OR8B12: variants seen among roughly 807,000 people sequenced by gnomAD.
OR8B12 encodes olfactory receptor 8B12.
For synonymous variants in OR8B12, 152 were observed against 148.8 expected, an observed-to-expected ratio of 1.02 and a Z score of -0.16; for missense variants, 383 against 376.4, an observed-to-expected ratio of 1.02 and a Z score of -0.14.
Position 124,543,246 on chromosome 11 carries a change from A to G in OR8B12, c.409T>C (p.Cys137Arg), listed in dbSNP as rs1259370180. ...NPLLYTVTMSCQVCLLLLLGA... is the reference protein window; with the variant it reads ...NPLLYTVTMSRQVCLLLLLGA... ...AACAAAAGGAGCAAACACACCTGGC[A>G]AGACATGGTGACTGTGTACAACAGT... The change falls in exon 1 of 1, where the codon TGC becomes CGC. Residue 137 changes from cysteine (C) to arginine (R), a missense_variant. By Grantham distance (180) the Cys-to-Arg change is radical. Transcript: ENST00000306842. 6.2e-7 allele frequency: 1 copy of G among 1,614,110 alleles called. No homozygotes were observed.
chr11:124,543,162 G>T lies in OR8B12; in HGVS notation c.493C>A (p.Leu165Met), dbSNP rs745679211. Reference protein sequence around the residue: ...AMAHTGSIMNLTFCADNLVNH... With the variant: ...AMAHTGSIMNMTFCADNLVNH... ...ACAAGGTTGTCAGCACAGAAGGTCA[G>T]GTTCATTATGCTTCCTGTGTGGGCC... is the stretch of plus-strand genomic sequence containing the variant. Residue 165 changes from leucine (L) to methionine (M), a missense_variant, in exon 1 of 1, where the codon CTG becomes ATG. Coordinates refer to ENST00000306842, the MANE Select transcript of OR8B12 (RefSeq NM_001005195.1). 5 of 1,614,086 alleles carry T rather than the reference G, an allele frequency of 3.1e-6. No homozygotes were observed. The East Asian group carries it at 6.7e-5, about 22-fold the overall frequency.
chr11:124,543,597 G>T lies in OR8B12; in HGVS notation c.58C>A (p.Pro20Thr). 14 of 1,614,002 alleles carry T rather than the reference G, an allele frequency of 8.7e-6. No individual in the cohort carries two copies. The highest frequency in any genetic ancestry group is 1.2e-5 in the Non-Finnish European group (14 of 1,179,944). Residue 20 changes from proline (P) to threonine (T), a missense_variant, in exon 1 of 1, where the codon CCG becomes ACG. Coordinates refer to ENST00000306842, the MANE Select transcript of OR8B12 (RefSeq NM_001005195.1). ...AAGAAGAGGGGGATCCGCAGTCCCGGCTGGTGGGTTAAGCCTTCGAGGATA... is the reference window on the plus strand; with the variant it reads ...AAGAAGAGGGGGATCCGCAGTCCCGTCTGGTGGGTTAAGCCTTCGAGGATA... ...EFILEGLTHQ[P>T]GLRIPLFFLF...
At position 124,543,410 on chromosome 11, in the gene OR8B12, A is replaced by T; in HGVS notation, c.245T>A (p.Met82Lys). Residue 82 changes from methionine (M) to lysine (K), a missense_variant, in exon 1 of 1, where the codon ATG becomes AAG. Met to Lys is a moderately conservative substitution (Grantham distance 95). Transcript: ENST00000306842. ...FSTTITPKMLMSFVSRKNIIS... is the reference protein window; with the variant it reads ...FSTTITPKMLKSFVSRKNIIS... ...GATGTTCTTCCTTGAGACAAAACTC[A>T]TCAGCATTTTGGGAGTGATGGTAGT... 6.2e-7 allele frequency: 1 copy of T among 1,614,084 alleles called. No homozygotes were observed. Among genetic ancestry groups the T allele is most frequent in the Middle Eastern group, 1.7e-4 (1 of 6,056 alleles).
Position 124,543,152 on chromosome 11 carries a change from CAGA to C in OR8B12, c.500_502del (p.Phe167del), listed in dbSNP as rs201026337. On this transcript the variant is annotated inframe_deletion, in exon 1 of 1. Coordinates refer to ENST00000306842, the MANE Select transcript of OR8B12 (RefSeq NM_001005195.1). ...GAAATGATTGACAAGGTTGTCAGCA[CAGA>C]AGGTCAGGTTCATTATGCTTCCTGT... The C allele has an allele frequency of 2.5e-3, 4,074 of 1,614,076 alleles. 77 individuals are homozygous for C. The African/African-American group carries it at 0.043, about 17-fold the overall frequency.
At position 124,542,961 on chromosome 11, in the gene OR8B12, C is replaced by CT; in HGVS notation, c.693dup (p.Gly232ArgfsTer7). On this transcript the variant is annotated frameshift_variant, in exon 1 of 1. Coordinates refer to ENST00000306842, the MANE Select transcript of OR8B12 (RefSeq NM_001005195.1). LOFTEE classifies it low-confidence loss of function (END_TRUNC). ...CAAGTACTAAAGGCTTTGGACCTGC[C>CT]TTCTGTAGAACTGTTGTGTAGAATG... 6.2e-7 allele frequency: 1 copy of CT among 1,613,778 alleles called. No individual in the cohort carries two copies. Among genetic ancestry groups the CT allele is most frequent in the Non-Finnish European group, 8.5e-7 (1 of 1,179,902 alleles).
In OR8B12 at chr11:124,542,881, A is replaced by G; in HGVS notation, c.774T>C (p.Tyr258=). The G allele has an allele frequency of 1.2e-6, 2 of 1,614,070 alleles. No individual in the cohort carries two copies. The highest frequency in any genetic ancestry group is 1.7e-6 in the Non-Finnish European group (2 of 1,179,986). Residue 258 remains tyrosine (Y), a synonymous_variant, in exon 1 of 1, where the codon TAT becomes TAC. Transcript: ENST00000306842. The stretch of plus-strand genomic sequence containing the variant: ...GGGGCAGGATGGAAAGGGGTTTGAG[A>G]TACATGAAAGCACCAGAACCAAAGA... ...SLFFGSGAFM[Y]LKPLSILPLE...
chr11:124,543,198 C>A lies in OR8B12; in HGVS notation c.457G>T (p.Ala153Ser), dbSNP rs538477329. 1.9e-6 allele frequency: 3 copies of A among 1,614,050 alleles called. No homozygotes were observed. The highest frequency in any genetic ancestry group is 2.7e-5 in the African/African-American group (2 of 75,036). Residue 153 changes from alanine (A) to serine (S), a missense_variant, in exon 1 of 1, where the codon GCT (alanine) becomes TCT (serine). Physicochemically the swap from Ala to Ser is moderately conservative, Grantham distance 99. Transcript: ENST00000306842. ...CTTCCTGTGTGGGCCATGGCCCCAG[C>A]AAACCCCATCCCATAGGCACCCAAC... ...LLLGAYGMGFAGAMAHTGSIM... is the reference protein window; with the variant it reads ...LLLGAYGMGFSGAMAHTGSIM...
Position 124,543,406 on chromosome 11 carries a change from A to T in OR8B12, c.249T>A (p.Ser83Arg). 2 of 1,614,096 alleles carry T rather than the reference A, an allele frequency of 1.2e-6. No homozygotes were observed. Among genetic ancestry groups the T allele is most frequent in the Non-Finnish European group, 1.7e-6 (2 of 1,179,980 alleles). ...AAATGATGTTCTTCCTTGAGACAAA[A>T]CTCATCAGCATTTTGGGAGTGATGG... ...STTITPKMLM[S>R]FVSRKNIISF... is the part of the protein sequence containing the mutation. Residue 83 changes from serine (S) to arginine (R), a missense_variant, in exon 1 of 1, where the codon AGT (serine) becomes AGA (arginine). Transcript: ENST00000306842.
chr11:124,542,977 G>A lies in OR8B12; in HGVS notation c.678C>T (p.His226=), dbSNP rs1565380125. The A allele has an allele frequency of 1.2e-6, 2 of 1,613,720 alleles. No homozygotes were observed. The highest frequency in any genetic ancestry group is 3.3e-5 in the Admixed American group (2 of 59,952). Residue 226 remains histidine (H), a synonymous_variant, in exon 1 of 1, where the codon CAC becomes CAT. Coordinates refer to ENST00000306842, the MANE Select transcript of OR8B12 (RefSeq NM_001005195.1). ...SYALILSSIL[H]NSSTEGRSKA... is the part of the protein sequence containing the mutation. ...TGGACCTGCCTTCTGTAGAACTGTT[G>A]TGTAGAATGCTGGAGAGGATGAGGG... is the stretch of plus-strand genomic sequence containing the variant.
In OR8B12 at chr11:124,543,043, A is replaced by C. The variant is rs748250380; in HGVS notation, c.612T>G (p.Val204=). 6.2e-7 allele frequency: 1 copy of C among 1,614,058 alleles called. No individual in the cohort carries two copies. The highest frequency in any genetic ancestry group is 1.1e-5 in the South Asian group (1 of 91,066). Residue 204 remains valine, a synonymous_variant, in exon 1 of 1, where the codon GTT becomes GTG. Transcript: ENST00000306842. The part of the protein sequence containing the change: ...NELVVFIVVA[V]DVGMPIVTVF... Reference sequence around the variant, plus strand: ...CAGTGACAATGGGCATTCCAACGTCAACAGCCACCACAATAAAGACCACCA... The same window carrying C: ...CAGTGACAATGGGCATTCCAACGTCCACAGCCACCACAATAAAGACCACCA...
Position 124,543,537 on chromosome 11 carries a change from C to CCA in OR8B12, c.116_117dup (p.Gly40TrpfsTer6), listed in dbSNP as rs1862394197. ...ATCAGGGTTATCAAGCCCAGGTTCC[C>CCA]CACCACGGTGACCGTGTAGAAACCC... On this transcript the variant is annotated frameshift_variant, in exon 1 of 1. Transcript: ENST00000306842. LOFTEE classifies it low-confidence loss of function (END_TRUNC). The CCA allele has an allele frequency of 6.2e-7, 1 of 1,613,932 alleles. No individual in the cohort carries two copies. Among genetic ancestry groups the CCA allele is most frequent in the Admixed American group, 1.7e-5 (1 of 59,992 alleles).
chr11:124,543,215 G>A lies in OR8B12; in HGVS notation c.440C>T (p.Ala147Val), dbSNP rs954495321. ...GGCCCCAGCAAACCCCATCCCATAG[G>A]CACCCAACAAAAGGAGCAAACACAC... ...CQVCLLLLLGAYGMGFAGAMA... is the reference protein window; with the variant it reads ...CQVCLLLLLGVYGMGFAGAMA... Residue 147 changes from alanine (A) to valine (V), a missense_variant, in exon 1 of 1, where the codon GCC (alanine) becomes GTC (valine). By Grantham distance (64) the Ala-to-Val change is moderately conservative (BLOSUM62 0). Coordinates refer to ENST00000306842, the MANE Select transcript of OR8B12 (RefSeq NM_001005195.1). The A allele has an allele frequency of 1.9e-6, 3 of 1,613,892 alleles. No individual in the cohort carries two copies. The highest frequency in any genetic ancestry group is 2.7e-5 in the African/African-American group (2 of 74,892).
In OR8B12 at chr11:124,542,790, A is replaced by C. The variant is rs1004801258; in HGVS notation, c.865T>G (p.Tyr289Asp). The change falls in exon 1 of 1, where the codon TAT becomes GAT. Residue 289 changes from tyrosine to aspartate, a missense_variant. Coordinates refer to ENST00000306842, the MANE Select transcript of OR8B12 (RefSeq NM_001005195.1). ...IIVPVLNPLI[Y>D]SLRNKDVKVA... Reference sequence around the variant, plus strand: ...TTGACATCCTTGTTCCTCAAGCTATAGATTAATGGGTTTAACACGGGGACT... The same window carrying C: ...TTGACATCCTTGTTCCTCAAGCTATCGATTAATGGGTTTAACACGGGGACT... 1.9e-5 allele frequency: 31 copies of C among 1,612,510 alleles called. No homozygotes were observed. Among genetic ancestry groups the C allele is most frequent in the Non-Finnish European group, 2.5e-5 (30 of 1,179,604 alleles).
Position 124,542,950 on chromosome 11 carries a change from T to G in OR8B12, c.705A>C (p.Lys235Asn). 6.2e-7 allele frequency: 1 copy of G among 1,613,862 alleles called. No homozygotes were observed. Among genetic ancestry groups the G allele is most frequent in the Non-Finnish European group, 8.5e-7 (1 of 1,179,930 alleles). The change falls in exon 1 of 1, where the codon AAA becomes AAC. Residue 235 changes from lysine (K) to asparagine (N), a missense_variant. Physicochemically the swap from Lys to Asn is moderately conservative, Grantham distance 94. Coordinates refer to ENST00000306842, the MANE Select transcript of OR8B12 (RefSeq NM_001005195.1). ...LHNSSTEGRS[K>N]AFSTCSSHII... Reference sequence around the variant, plus strand: ...TGTGGGAACTGCAAGTACTAAAGGCTTTGGACCTGCCTTCTGTAGAACTGT... The same window carrying G: ...TGTGGGAACTGCAAGTACTAAAGGCGTTGGACCTGCCTTCTGTAGAACTGT...
rs549372512 is a variant in OR8B12, at chr11:124,542,948, G to C, written c.707C>G (p.Ala236Gly). 4 of 1,613,722 alleles carry C rather than the reference G, an allele frequency of 2.5e-6. No homozygotes were observed. In the South Asian group the frequency reaches 4.4e-5, roughly 18 times the overall value. Residue 236 changes from alanine (A) to glycine (G), a missense_variant, in exon 1 of 1, where the codon GCC (alanine) becomes GGC (glycine). Physicochemically the swap from Ala to Gly is moderately conservative, Grantham distance 60. Transcript: ENST00000306842. ...HNSSTEGRSK[A>G]FSTCSSHIIV... Reference sequence around the variant, plus strand: ...TATGTGGGAACTGCAAGTACTAAAGGCTTTGGACCTGCCTTCTGTAGAACT... The same window carrying C: ...TATGTGGGAACTGCAAGTACTAAAGCCTTTGGACCTGCCTTCTGTAGAACT...
chr11:124,543,646 G>T lies in OR8B12; in HGVS notation c.9C>A (p.Ala3=). 6.2e-7 allele frequency: 1 copy of T among 1,607,966 alleles called. No homozygotes were observed. The change falls in exon 1 of 1, where the codon GCC becomes GCA. Residue 3 remains alanine (A), a synonymous_variant. Transcript: ENST00000306842. MA[A]KNSSVTEFIL... The stretch of plus-strand genomic sequence containing the variant: ...TAAACTCTGTCACAGAAGAGTTTTT[G>T]GCTGCCATTCTTTTTGGTCAGGCAG...
Position 124,543,633 on chromosome 11 carries a change from C to T in OR8B12, c.22G>A (p.Val8Met). 6.2e-7 allele frequency: 1 copy of T among 1,610,992 alleles called. No individual in the cohort carries two copies. The highest frequency in any genetic ancestry group is 8.5e-7 in the Non-Finnish European group (1 of 1,178,620). MAAKNSS[V>M]TEFILEGLTH... ...AAGCCTTCGAGGATAAACTCTGTCA[C>T]AGAAGAGTTTTTGGCTGCCATTCTT... The change falls in exon 1 of 1, where the codon GTG (valine) becomes ATG (methionine). Residue 8 changes from valine (V) to methionine (M), a missense_variant. Physicochemically the swap from Val to Met is conservative, Grantham distance 21. Transcript: ENST00000306842.
In OR8B12 at chr11:124,543,429, T is replaced by A; in HGVS notation, c.226A>T (p.Ile76Phe). The A allele has an allele frequency of 6.2e-7, 1 of 1,613,946 alleles. No individual in the cohort carries two copies. Among genetic ancestry groups the A allele is most frequent in the Non-Finnish European group, 8.5e-7 (1 of 1,179,910 alleles). Reference protein sequence around the residue: ...SLIDFCFSTTITPKMLMSFVS... With the variant: ...SLIDFCFSTTFTPKMLMSFVS... ...AAACTCATCAGCATTTTGGGAGTGA[T>A]GGTAGTGGAGAAACAGAAATCTATT... is the stretch of plus-strand genomic sequence containing the variant. Residue 76 changes from isoleucine (I) to phenylalanine (F), a missense_variant, in exon 1 of 1, where the codon ATC becomes TTC. Coordinates refer to ENST00000306842, the MANE Select transcript of OR8B12 (RefSeq NM_001005195.1).
At position 124,543,583 on chromosome 11, in the gene OR8B12, G is replaced by T; in HGVS notation, c.72C>A (p.Ile24=). 6.2e-7 allele frequency: 1 copy of T among 1,614,040 alleles called. No homozygotes were observed. Among genetic ancestry groups the T allele is most frequent in the Non-Finnish European group, 8.5e-7 (1 of 1,179,946 alleles). The change falls in exon 1 of 1, where the codon ATC becomes ATA. Residue 24 remains isoleucine, a synonymous_variant. Transcript: ENST00000306842. ...EGLTHQPGLR[I]PLFFLFLGFY... is the part of the protein sequence containing the mutation. ...AACCCAGAAACAGGAAGAAGAGGGG[G>T]ATCCGCAGTCCCGGCTGGTGGGTTA...
Sources: allele counts gnomAD v4.1 joint callset, GRCh38; gene constraint gnomAD v4.1.1; transcripts MANE v1.5; gene names NCBI Gene and HGNC (gene_info 2026-07-23, HGNC 2026-07-21).